The following ZFP62 variants were observed in gnomAD, a reference collection of about 807,000 sequenced individuals.
ZFP62 encodes ZFP62 zinc finger protein.
ZFP62 carries 44 observed loss-of-function variants against 56.4 expected under a neutral mutation model. The ratio of observed to expected loss-of-function variants is 0.78; its 90% CI spans 0.61 to 1.00. The LOEUF (loss-of-function observed/expected upper bound fraction) is 1.00, where lower values mean the gene tolerates loss of function less well. ZFP62 is among the 50% of genes least tolerant of loss of function. The probability of loss-of-function intolerance (pLI) is 0.00; values close to 1 mark genes in which losing one functional copy is unlikely to be tolerated. For missense variants in ZFP62, 1,030 were observed against 1,085.7 expected, an observed-to-expected ratio of 0.95 and a Z score of 0.72; for synonymous variants, 421 against 388.9, an observed-to-expected ratio of 1.08 and a Z score of -0.97.
chr5:180,845,059 T>C (rs1283972284), downstream of ZFP62, among the ~76,000 whole-genome samples: 1 of 152,120 alleles, frequency 6.6e-6, no homozygotes, highest in African/African-American at 2.4e-5. Context: ...TGGTAGCCTG[T>C]GGTGGTTCAG....
At chr5:180,846,043 G>A (rs1039280242), downstream of ZFP62, among the ~76,000 whole-genome samples, 6 of 151,234 alleles carry the variant, frequency 4.0e-5, no homozygotes, top group South Asian at 2.1e-4. Flanking sequence ...CTTGCATATC[G>A]TTCTCTGGAA....
rs142442586 is a variant in ZFP62, at chr5:180,851,027, A to G, written c.468T>C (p.Leu156=). 2.9e-3 allele frequency: 4,515 copies of G among 1,551,758 alleles called. 15 individuals carry two copies. The highest frequency in any genetic ancestry group is 3.4e-3 in the Non-Finnish European group (3,875 of 1,147,004). ...CAGTGTGCATAATTTTATGTTGAAC[A>G]AGGCGGGAATTATATTTGAAGGATT... The part of the protein sequence containing the change: ...CGKSFKYNSR[L]VQHKIMHTGE... Residue 156 remains leucine (L), a synonymous_variant, in exon 2 of 2, where the codon CTT becomes CTC. Coordinates refer to ENST00000502412, the MANE Select transcript of ZFP62 (RefSeq NM_001172638.2).
downstream of ZFP62, among the ~76,000 whole-genome samples, chr5:180,845,089 TGGGAGTCTGAG>T (rs1773382283): frequency 6.6e-6 from 1 of 151,964 alleles, no homozygotes; most frequent in South Asian, 2.1e-4. Flanking sequence ...CTCAGCACCT[TGGGAGTCTGAG>T]GCTGGGCAGA....
chr5:180,827,999 C>T, the ZFP62 span, among the ~76,000 whole-genome samples: 15 of 152,310 alleles, frequency 9.8e-5, no homozygotes, highest in African/African-American at 1.9e-4. Flanking sequence ...ACTCTCTCCC[C>T]GCTATTGTCT....
At position 180,848,878 on chromosome 5, in the gene ZFP62, C is replaced by A; in HGVS notation, c.2617G>T (p.Val873Leu). 6.4e-7 allele frequency: 1 copy of A among 1,551,678 alleles called. No homozygotes were observed. Among genetic ancestry groups the A allele is most frequent in the Non-Finnish European group, 8.7e-7 (1 of 1,146,958 alleles). Residue 873 changes from valine (V) to leucine (L), a missense_variant, in exon 2 of 2, where the codon GTG (valine) becomes TTG (leucine). Val to Leu is a conservative substitution (Grantham distance 32). Coordinates refer to ENST00000502412, the MANE Select transcript of ZFP62 (RefSeq NM_001172638.2). ...TGEESLNVIY[V>L]GSYSGTSQKR... ...TGGGATGTGCCACTATAACTTCCCA[C>A]ATATATCACATTTAAAGATTCCTCT...
At position 180,857,995 on chromosome 5, in the gene ZFP62, A is replaced by C. The variant is rs570411730; in HGVS notation, c.1+3224T>G. On this transcript the variant is annotated intron_variant, in intron 1 of 1. Coordinates refer to ENST00000502412, the MANE Select transcript of ZFP62 (RefSeq NM_001172638.2). The stretch of plus-strand genomic sequence containing the variant: ...AGGCCGGGTACAGTGGCTCACGCCT[A>C]TAAGCCCAGCTCTTTCGGAGGCCGA... 1.8e-4 allele frequency among the ~76,000 whole-genome samples: 28 copies of C among 151,834 alleles called. No individual in the cohort carries two copies. In the South Asian group the frequency reaches 5.6e-3, roughly 30 times the overall value.
chr5:180,836,219 A>G, the ZFP62 span, among the ~76,000 whole-genome samples: 21 of 152,340 alleles, frequency 1.4e-4, no homozygotes, highest in African/African-American at 4.3e-4. Context: ...TAAGTGACCC[A>G]TGACTATTCA....
chr5:180,827,280 GA>G, the ZFP62 span, among the ~76,000 whole-genome samples: 6 of 152,178 alleles, frequency 3.9e-5, no homozygotes. Flanking sequence ...GTGGGGAAAA[GA>G]AAGAGAGATC....
rs1445364734 is a variant in ZFP62, at chr5:180,851,135, C to G, written c.360G>C (p.Glu120Asp). ...TAGGGTAGGAGGTTCCATTAATGTT[C>G]TCCACACGTTTGCCTTGCTCACTGC... ...QRGSEQGKRV[E>D]NINGTSYPSL... Residue 120 changes from glutamate to aspartate, a missense_variant, in exon 2 of 2, where the codon GAG becomes GAC. Transcript: ENST00000502412. 2.6e-6 allele frequency: 4 copies of G among 1,551,712 alleles called. No individual in the cohort carries two copies. Among genetic ancestry groups the G allele is most frequent in the Non-Finnish European group, 3.5e-6 (4 of 1,146,996 alleles).
chr5:180,838,715 T>A, the ZFP62 span, among the ~76,000 whole-genome samples: 3 of 152,218 alleles, frequency 2.0e-5, no homozygotes, highest in South Asian at 2.1e-4. Context: ...CAAAATAAAA[T>A]TTTTTTAAAA....
At chr5:180,854,413 T>G (rs995341475) in intron 1 of ZFP62, among the ~76,000 whole-genome samples, 2 of 152,146 alleles carry the variant, frequency 1.3e-5, no homozygotes, top group Admixed American at 1.3e-4. Flanking sequence ...TGAGTGCTGG[T>G]TGATAAATGT....
intron 1 of ZFP62, among the ~76,000 whole-genome samples, chr5:180,853,557 A>C (rs1488421767): frequency 6.6e-6 from 1 of 152,240 alleles, no homozygotes; most frequent in Admixed American, 6.5e-5. Flanking sequence ...ATTAAACATC[A>C]GTGAGGATGG....
intron 1 of ZFP62, 135 bp from the exon 2 acceptor site, chr5:180,851,628 T>C (rs1773718335): frequency 1.9e-6 from 2 of 1,070,898 alleles, no homozygotes. Flanking sequence ...CCATGTGCCA[T>C]GTACCGGTTT....
chr5:180,827,421 G>C, the ZFP62 span, among the ~76,000 whole-genome samples: 15 of 152,314 alleles, frequency 9.8e-5, no homozygotes, highest in African/African-American at 3.6e-4. Flanking sequence ...TCCCTGAAAC[G>C]TGTGCTGTGT....
the ZFP62 span, among the ~76,000 whole-genome samples, chr5:180,827,019 TC>T: frequency 3.9e-5 from 6 of 152,192 alleles, no homozygotes; most frequent in Non-Finnish European, 8.8e-5. Flanking sequence ...ATGTAGAGGT[TC>T]TCAAACTGTG....
chr5:180,852,013 CTATG>C, intron 1 of ZFP62: 1 of 986,688 alleles, frequency 1.0e-6, no homozygotes. Context: ...AGGGAGAAGG[CTATG>C]AAACCATGAA....
At chr5:180,839,695 A>G in the ZFP62 span, among the ~76,000 whole-genome samples, 1 of 152,106 alleles carries the variant, frequency 6.6e-6, no homozygotes, top group African/African-American at 2.4e-5. Flanking sequence ...AAACAATTTG[A>G]ACACCAAATC....
rs764894104 is a variant in ZFP62, at chr5:180,850,162, C to T, written c.1333G>A (p.Gly445Arg). 5.2e-5 allele frequency: 80 copies of T among 1,551,654 alleles called. No individual in the cohort carries two copies. Among genetic ancestry groups the T allele is most frequent in the South Asian group, 1.1e-4 (9 of 84,072 alleles). The stretch of plus-strand genomic sequence containing the variant: ...ACATCACATACATAAGGTCTCTCTC[C>T]GGTATGAATAGTTCTGTGTTGAAGA... ...LLLQHRTIHT[G>R]ERPYVCDVCG... Residue 445 changes from glycine (G) to arginine (R), a missense_variant, in exon 2 of 2, where the codon GGA becomes AGA. Coordinates refer to ENST00000502412, the MANE Select transcript of ZFP62 (RefSeq NM_001172638.2).
chr5:180,843,718 A>G (rs1773360417), downstream of ZFP62, among the ~76,000 whole-genome samples: 1 of 152,262 alleles, frequency 6.6e-6, no homozygotes, highest in Admixed American at 6.5e-5. Context: ...TAATAGAAGC[A>G]AATAAAACTT....
Sources: allele counts gnomAD v4.1 joint callset (sites outside exome capture counted in the v4.1 genomes callset), GRCh38; gene constraint gnomAD v4.1.1; transcripts MANE v1.5; gene names NCBI Gene and HGNC (gene_info 2026-07-23, HGNC 2026-07-21).